Variants in CELF2 observed in about 807,000 individuals in gnomAD.
The protein encoded by CELF2 is CUG triplet repeat RNA-binding protein 2.
Under a neutral mutation model 62.6 loss-of-function variants are expected in CELF2, and 8 were observed. The ratio of observed to expected loss-of-function variants is 0.13; its 90% CI spans 0.07 to 0.23. CELF2 has a LOEUF of 0.23. CELF2 is among the 10% of genes least tolerant of loss of function. The pLI is 1.00. For missense variants in CELF2, 333 were observed against 671.0 expected, an observed-to-expected ratio of 0.50 and a Z score of 5.56; for synonymous variants, 258 against 250.0, an observed-to-expected ratio of 1.03 and a Z score of -0.30.
intron 1 of CELF2, among the ~76,000 whole-genome samples, chr10:10,862,075 T>G (rs1443101836): frequency 6.6e-6 from 1 of 152,138 alleles, no homozygotes; most frequent in African/African-American, 2.4e-5. Flanking sequence ...GTAAACTTCT[T>G]TAGAAATATT....
rs1450260246 is a variant in CELF2 at position 11,009,009 on chromosome 10, G to C, written c.53+3569G>C. ...TGATAATTCCTGGGGAATTTGCGGGGGGGGGGGGGGAGCATTCCTGATTCA... is the reference window on the plus strand; with the variant it reads ...TGATAATTCCTGGGGAATTTGCGGGCGGGGGGGGGGAGCATTCCTGATTCA... On this transcript the variant is annotated intron_variant, in intron 1 of 12. Transcript: ENST00000416382. Among the ~76,000 whole-genome samples the C allele has an allele frequency of 0.017, 1,378 of 82,930 alleles. 47 individuals carry two copies. In the African/African-American group the frequency reaches 0.2, roughly 12 times the overall value. 54.4% of individuals were successfully genotyped at this position (82,930 alleles called of 152,430 possible).
At chr10:10,959,188 G>A (rs1169864412) in intron 2 of CELF2, among the ~76,000 whole-genome samples, 1 of 152,190 alleles carries the variant, frequency 6.6e-6, no homozygotes, top group African/African-American at 2.4e-5. Flanking sequence ...GGCTGAAGCA[G>A]AAGAATCACT....
At chr10:10,508,167 A>G in the CELF2 span, among the ~76,000 whole-genome samples, 1 of 31,552 alleles carries the variant, frequency 3.2e-5, no homozygotes, top group Non-Finnish European at 9.0e-5. Flanking sequence ...ACAGACAAAT[A>G]CAAAAAAAAA....
intron 1 of CELF2, among the ~76,000 whole-genome samples, chr10:10,811,356 G>A (rs2055866315): frequency 1.3e-5 from 2 of 152,270 alleles, no homozygotes; most frequent in African/African-American, 2.4e-5. Flanking sequence ...GGGGTGGAGG[G>A]CCAGAAAGCA....
chr10:10,743,214 C>A, the CELF2 span, among the ~76,000 whole-genome samples: 1 of 152,172 alleles, frequency 6.6e-6, no homozygotes, highest in Non-Finnish European at 1.5e-5. Flanking sequence ...GGAAATCATA[C>A]ATGGATGCTC....
chr10:10,956,895 C>T (rs1285265084), intron 2 of CELF2, among the ~76,000 whole-genome samples: 3 of 150,910 alleles, frequency 2.0e-5, no homozygotes, highest in East Asian at 3.9e-4. Flanking sequence ...GATTGCACCA[C>T]AGCACTCCAG....
chr10:11,313,232 A>G (rs1421345345), intron 9 of CELF2, among the ~76,000 whole-genome samples: 1 of 152,218 alleles, frequency 6.6e-6, no homozygotes, highest in African/African-American at 2.4e-5. Flanking sequence ...AAGATAGGAT[A>G]ATTTCCAAAT....
the CELF2 span, among the ~76,000 whole-genome samples, chr10:10,603,797 A>ACACC: frequency 1.3e-5 from 2 of 151,972 alleles, no homozygotes; most frequent in African/African-American, 4.8e-5. Context: ...ACACACACAC[A>ACACC]CACACACACA....
rs1257432912 is a variant in CELF2 at position 11,165,300 on chromosome 10, G to T, written c.75-186G>T. On this transcript the variant is annotated intron_variant, in intron 1 of 12. Transcript: ENST00000633077. The surrounding 1 kb of genome is among the most constrained non-coding windows in gnomAD (Gnocchi z 7.4). ...AGCACGCAGTGAGAGCCTCGCCGCC[G>T]CCGAGGAGCAACTCATGGTGCCTCC... 5 of 1,401,026 alleles carry T rather than the reference G, an allele frequency of 3.6e-6. No individual in the cohort carries two copies. The highest frequency in any genetic ancestry group is 3.7e-6 in the Non-Finnish European group (4 of 1,079,730). The allele number at this position is 1,401,026 out of a possible 1,614,324, so 86.8% of individuals were successfully genotyped here.
At chr10:10,673,056 G>A in the CELF2 span, among the ~76,000 whole-genome samples, 1 of 151,888 alleles carries the variant, frequency 6.6e-6, no homozygotes, top group African/African-American at 2.4e-5. Context: ...GGGCACTAAT[G>A]CAAATGGTAT....
At chr10:10,882,941 C>T (rs904513742) in intron 1 of CELF2, among the ~76,000 whole-genome samples, 1 of 152,112 alleles carries the variant, frequency 6.6e-6, no homozygotes, top group African/African-American at 2.4e-5. Flanking sequence ...TCACTTTCCC[C>T]TGGTTTATAA....
At chr10:10,894,517 T>C (rs2062397581) in intron 1 of CELF2, among the ~76,000 whole-genome samples, 1 of 152,202 alleles carries the variant, frequency 6.6e-6, no homozygotes, top group South Asian at 2.1e-4. Flanking sequence ...AAAGATAATG[T>C]GAAAGTTCCT....
At chr10:10,485,737 G>C in the CELF2 span, among the ~76,000 whole-genome samples, 1 of 152,152 alleles carries the variant, frequency 6.6e-6, no homozygotes, top group African/African-American at 2.4e-5. Context: ...CTCCTGGGAG[G>C]GTTGCAGTGA....
At chr10:11,289,134 C>G (rs965628858) in intron 9 of CELF2, among the ~76,000 whole-genome samples, 12 of 152,064 alleles carry the variant, frequency 7.9e-5, no homozygotes, top group African/African-American at 2.9e-4. Flanking sequence ...TCATACAAGC[C>G]AGATAGAATG....
the CELF2 span, among the ~76,000 whole-genome samples, chr10:10,472,542 C>G: frequency 6.6e-6 from 1 of 151,872 alleles, no homozygotes; most frequent in African/African-American, 2.4e-5. Context: ...CTAAATCCAA[C>G]ATCTGTGACC....
intron 2 of CELF2, among the ~76,000 whole-genome samples, chr10:11,180,101 G>A (rs1439683926): frequency 6.6e-6 from 1 of 152,128 alleles, no homozygotes; most frequent in Non-Finnish European, 1.5e-5. Flanking sequence ...TAAAGAGAGT[G>A]AAAGACTTTC....
chr10:10,745,395 A>G, the CELF2 span, among the ~76,000 whole-genome samples: 3 of 152,084 alleles, frequency 2.0e-5, no homozygotes, highest in East Asian at 5.8e-4. Flanking sequence ...AATTTGTTCA[A>G]TCTCTCCTCC....
chr10:10,719,942 C>G, the CELF2 span, among the ~76,000 whole-genome samples: 17 of 152,328 alleles, frequency 1.1e-4, no homozygotes, highest in Non-Finnish European at 2.1e-4. Flanking sequence ...TGACAGCCAT[C>G]CACAAAGGTG....
the CELF2 span, among the ~76,000 whole-genome samples, chr10:10,615,218 A>T: frequency 6.6e-6 from 1 of 152,136 alleles, no homozygotes; most frequent in South Asian, 2.1e-4. Flanking sequence ...AGTCCTGTTC[A>T]TCTTCATTGT....
Sources: gnomAD v4.1 joint callset for allele counts (sites outside exome capture counted in the v4.1 genomes callset) on GRCh38, gnomAD v4.1.1 for gene constraint, Gnocchi (gnomAD v3.1) non-coding constraint, MANE v1.5 for transcripts, NCBI Gene and HGNC (gene_info 2026-07-23, HGNC 2026-07-21) for gene names.